The following CNTN3 variants were observed in gnomAD, a reference collection of about 807,000 sequenced individuals.
CNTN3 encodes the protein contactin-3.
CNTN3 carries 60 observed loss-of-function variants against 119.1 expected under a neutral mutation model. The observed-to-expected ratio is 0.50, with a 90% CI of 0.41 to 0.62. The LOEUF (loss-of-function observed/expected upper bound fraction) is 0.62. Ranked by LOEUF, CNTN3 falls within the 20% of genes least tolerant of loss-of-function variation. The probability of loss-of-function intolerance (pLI) is 0.00; values close to 1 mark genes in which losing one functional copy is unlikely to be tolerated. For synonymous variants in CNTN3, 450 were observed against 438.7 expected (o/e 1.03, Z -0.32); for missense variants, 1,101 against 1,242.4 (o/e 0.89, Z 1.71).
chr3:74,455,241 A>C (rs981563186), intron 4 of CNTN3, among the ~76,000 whole-genome samples: 4 of 151,162 alleles, frequency 2.6e-5, no homozygotes, highest in Admixed American at 2.0e-4. Context: ...TTCTCGCTTC[A>C]TTTCATTCAT....
chr3:74,526,801 T>C (rs1457230644), intron 1 of CNTN3, among the ~76,000 whole-genome samples: 1 of 151,886 alleles, frequency 6.6e-6, no homozygotes, highest in Non-Finnish European at 1.5e-5. Flanking sequence ...CAGCACTTTA[T>C]ATTCTCTCCC....
At position 74,307,547 on chromosome 3, in the gene CNTN3, C is replaced by T. The variant is rs183218174; in HGVS notation, c.1669-4740G>A. ...ATGATTAACTTTTCCCCTGTATTTTCTTAGATGATGACACTAATGGAATTT... is the reference window on the plus strand; with the variant it reads ...ATGATTAACTTTTCCCCTGTATTTTTTTAGATGATGACACTAATGGAATTT... On this transcript the variant is annotated intron_variant, in intron 13 of 22. Coordinates refer to ENST00000263665, the MANE Select transcript of CNTN3 (RefSeq NM_020872.3). Among the ~76,000 whole-genome samples, 76 of 152,176 alleles carry T rather than the reference C, an allele frequency of 5.0e-4. 1 individual carries two copies. In the Middle Eastern group the frequency reaches 0.01, roughly 20 times the overall value.
intron 4 of CNTN3, among the ~76,000 whole-genome samples, chr3:74,456,723 T>C (rs1012682846): frequency 1.3e-5 from 2 of 152,104 alleles, no homozygotes; most frequent in Non-Finnish European, 2.9e-5. Flanking sequence ...AACTTCATTG[T>C]AGCTGATTCA....
At chr3:74,465,470 C>CA (rs1702444953) in intron 4 of CNTN3, among the ~76,000 whole-genome samples, 1 of 152,186 alleles carries the variant, frequency 6.6e-6, no homozygotes, top group South Asian at 2.1e-4. Context: ...GATCCAACTA[C>CA]AGCCTTCAAT....
At chr3:74,366,993 G>A (rs1373260807) in intron 8 of CNTN3, among the ~76,000 whole-genome samples, 2 of 141,840 alleles carry the variant, frequency 1.4e-5, no homozygotes, top group Non-Finnish European at 1.5e-5. Context: ...GCTTCCCATA[G>A]TAATACTCTT....
intron 19 of CNTN3, among the ~76,000 whole-genome samples, chr3:74,288,753 A>G (rs2106789874): frequency 6.6e-6 from 1 of 152,286 alleles, no homozygotes; most frequent in Admixed American, 6.5e-5. Context: ...CTGCACTAGA[A>G]CGTGGGAGCT....
At chr3:74,325,347 C>T (rs80282047) in intron 13 of CNTN3, among the ~76,000 whole-genome samples, 1,897 of 152,246 alleles carry the variant, frequency 0.012, 32 homozygotes, top group African/African-American at 0.044. Context: ...ATAGTATCAA[C>T]TCCCAATTTT....
intron 4 of CNTN3, among the ~76,000 whole-genome samples, chr3:74,463,286 A>G (rs377414721): frequency 2.0e-5 from 3 of 152,198 alleles, no homozygotes; most frequent in African/African-American, 7.2e-5. Context: ...TGTCTCTCCC[A>G]TAGAGTTTAG....
At chr3:74,463,128 T>C (rs1241965049) in intron 4 of CNTN3, among the ~76,000 whole-genome samples, 1 of 152,146 alleles carries the variant, frequency 6.6e-6, no homozygotes, top group African/African-American at 2.4e-5. Context: ...CTCAGTAATC[T>C]AATCGTTGGT....
At position 74,364,460 on chromosome 3, in the gene CNTN3, G is replaced by A. The variant is rs770984199; in HGVS notation, c.1213+7C>T. 6 of 1,608,886 alleles carry A rather than the reference G, an allele frequency of 3.7e-6. No homozygotes were observed. The highest frequency in any genetic ancestry group is 5.1e-6 in the Non-Finnish European group (6 of 1,177,508). On this transcript the variant is annotated splice_region_variant and intron_variant, in intron 10 of 22. Transcript: ENST00000263665. ...ATTAAGAGAAGAGCAGAGAAAATCA[G>A]CCTTACCAACAACTTTGAGCTCAGC...
At chr3:74,323,395 T>C (rs140661518) in intron 13 of CNTN3, among the ~76,000 whole-genome samples, 3 of 152,232 alleles carry the variant, frequency 2.0e-5, no homozygotes, top group African/African-American at 7.2e-5. Flanking sequence ...AATATGCAAA[T>C]AGGTATATAG....
At chr3:74,451,559 T>C (rs1242735389) in intron 4 of CNTN3, among the ~76,000 whole-genome samples, 1 of 152,194 alleles carries the variant, frequency 6.6e-6, no homozygotes, top group East Asian at 1.9e-4. Flanking sequence ...TTGCCATTGC[T>C]TTTGGTGTTT....
intron 19 of CNTN3, among the ~76,000 whole-genome samples, chr3:74,286,341 A>G (rs1053501707): frequency 1.3e-5 from 2 of 152,216 alleles, no homozygotes; most frequent in African/African-American, 4.8e-5. Flanking sequence ...ATAACTGTTT[A>G]ACATGTCTAG....
At chr3:74,535,791 T>C (rs1051183229) in intron 1 of CNTN3, among the ~76,000 whole-genome samples, 1 of 152,082 alleles carries the variant, frequency 6.6e-6, no homozygotes, top group African/African-American at 2.4e-5. Flanking sequence ...ATTTTTAACC[T>C]TAGCAAGCCA....
At chr3:74,403,953 C>T (rs1705258753) in intron 5 of CNTN3, among the ~76,000 whole-genome samples, 1 of 152,032 alleles carries the variant, frequency 6.6e-6, no homozygotes, top group Non-Finnish European at 1.5e-5. Context: ...TCGCCCCCCT[C>T]CTCCCTGATG....
intron 4 of CNTN3, among the ~76,000 whole-genome samples, chr3:74,461,093 A>G (rs1270591470): frequency 2.0e-5 from 3 of 151,866 alleles, no homozygotes; most frequent in Admixed American, 6.6e-5. Flanking sequence ...TACTGTGCCA[A>G]TCGACATGAT....
chr3:74,396,543 G>T (rs112809797), intron 5 of CNTN3, among the ~76,000 whole-genome samples: 3 of 151,662 alleles, frequency 2.0e-5, no homozygotes, highest in Non-Finnish European at 2.9e-5. Flanking sequence ...TCAGGAGATC[G>T]AGACCACCCT....
chr3:74,319,994 C>T (rs925723196), intron 13 of CNTN3, among the ~76,000 whole-genome samples: 25 of 152,182 alleles, frequency 1.6e-4, no homozygotes, highest in African/African-American at 3.1e-4. Flanking sequence ...GTTAGAATGG[C>T]GATCATTAAA....
chr3:74,356,652 A>T (rs1703941529), intron 11 of CNTN3, among the ~76,000 whole-genome samples: 1 of 152,132 alleles, frequency 6.6e-6, no homozygotes, highest in African/African-American at 2.4e-5. Flanking sequence ...GTGAACTTAA[A>T]TGTAAGAGCC....
Sources: gnomAD v4.1 joint callset for allele counts (sites outside exome capture counted in the v4.1 genomes callset) on GRCh38, gnomAD v4.1.1 for gene constraint, MANE v1.5 for transcripts, NCBI Gene and HGNC (gene_info 2026-07-23, HGNC 2026-07-21) for gene names.